The following TENM1 variants were observed in gnomAD, a reference collection of about 807,000 sequenced individuals.
The protein encoded by TENM1 is teneurin-1.
TENM1 carries 35 observed loss-of-function variants against 174.8 expected under a neutral mutation model. The observed-to-expected ratio is 0.20, with a 90% CI of 0.15 to 0.27. The LOEUF is 0.27. Among genes scored for constraint, TENM1 ranks in the 10% least tolerant of loss-of-function variants. TENM1 has a pLI of 1.00. For missense variants in TENM1, 1,633 were observed against 2,130.1 expected (o/e 0.77, Z 4.59); for synonymous variants, 781 against 798.7 (o/e 0.98, Z 0.37).
At chrX:124,571,956 G>T (rs779398265) in intron 11 of TENM1, among the ~76,000 whole-genome samples, 1 of 105,322 alleles carries the variant, frequency 9.5e-6, no homozygotes, top group African/African-American at 3.7e-5. Context: ...AGGAGAAAAT[G>T]ATTTTTTTTT....
chrX:124,820,713 T>A (rs1346312803), intron 3 of TENM1, among the ~76,000 whole-genome samples: 1 of 112,270 alleles, frequency 8.9e-6, no homozygotes, highest in East Asian at 2.8e-4. Context: ...ATAATCCACT[T>A]AATTGAACTC....
chrX:125,193,355 T>C, the TENM1 span, among the ~76,000 whole-genome samples: 1 of 112,315 alleles, frequency 8.9e-6, no homozygotes. Context: ...CTTTGTTGAA[T>C]CCATGTGAAT....
At chrX:124,514,341 A>G (rs937086717) in intron 18 of TENM1, among the ~76,000 whole-genome samples, 1 of 111,091 alleles carries the variant, frequency 9.0e-6, no homozygotes. Flanking sequence ...TCGAAACCCA[A>G]CTGGGGTCTA....
intron 4 of TENM1, among the ~76,000 whole-genome samples, chrX:124,730,705 T>C (rs2053546174): frequency 8.9e-6 from 1 of 112,223 alleles, no homozygotes. Context: ...CCCAAATTTT[T>C]GTGTTAATGA....
At chrX:124,465,369 C>A (rs1448001545) in intron 22 of TENM1, among the ~76,000 whole-genome samples, 1 of 111,392 alleles carries the variant, frequency 9.0e-6, no homozygotes, top group East Asian at 2.8e-4. Flanking sequence ...CCCCCTCGGC[C>A]TCTCTAATAG....
intron 3 of TENM1, among the ~76,000 whole-genome samples, chrX:124,880,567 A>T (rs750367857): frequency 8.9e-6 from 1 of 112,109 alleles, no homozygotes; most frequent in Non-Finnish European, 1.9e-5. Flanking sequence ...TATGATAAAC[A>T]GGAGTGGTGA....
chrX:124,827,509 T>A (rs1325722982), intron 3 of TENM1, among the ~76,000 whole-genome samples: 1 of 111,954 alleles, frequency 8.9e-6, no homozygotes, highest in Non-Finnish European at 1.9e-5. Flanking sequence ...TGCCTTTATT[T>A]TGCAGTGAAG....
chrX:124,631,153 G>A (rs757512038), intron 11 of TENM1, among the ~76,000 whole-genome samples: 7 of 111,690 alleles, frequency 6.3e-5, no homozygotes, highest in Admixed American at 9.6e-5. Context: ...GACTTCATAT[G>A]CTGTATTTAT....
At chrX:125,084,253 A>G in the TENM1 span, among the ~76,000 whole-genome samples, 9 of 110,245 alleles carry the variant, frequency 8.2e-5, no homozygotes, top group Admixed American at 6.8e-4. Flanking sequence ...CCATCCATCC[A>G]TCCATTCAAA....
chrX:124,729,493 T>C (rs928992838), intron 4 of TENM1, among the ~76,000 whole-genome samples: 1 of 112,284 alleles, frequency 8.9e-6, no homozygotes, highest in African/African-American at 3.2e-5. Context: ...TTGGAGTACA[T>C]ATGCTTGCAC....
chrX:124,908,474 C>T (rs1481755675), intron 1 of TENM1, among the ~76,000 whole-genome samples: 1 of 111,110 alleles, frequency 9.0e-6, no homozygotes, highest in East Asian at 2.8e-4. Context: ...TTTCCAGCCT[C>T]ATCCATGTCC....
chrX:124,569,372 A>G (rs2049008546), intron 11 of TENM1, among the ~76,000 whole-genome samples: 1 of 112,302 alleles, frequency 8.9e-6, no homozygotes, highest in South Asian at 3.7e-4. Context: ...CAGAAAGAAT[A>G]TGAAATATTT....
At chrX:124,640,447 C>A (rs766997940) in intron 11 of TENM1, among the ~76,000 whole-genome samples, 2 of 111,925 alleles carry the variant, frequency 1.8e-5, no homozygotes, top group Non-Finnish European at 3.8e-5. Flanking sequence ...CTGCTTACCA[C>A]GTCATTTTAC....
chrX:124,740,895 A>T (rs1248378766), intron 3 of TENM1, among the ~76,000 whole-genome samples: 1 of 111,731 alleles, frequency 9.0e-6, no homozygotes, highest in East Asian at 2.8e-4. Flanking sequence ...TGTATCTGGC[A>T]ACCATACACT....
intron 3 of TENM1, among the ~76,000 whole-genome samples, chrX:124,809,878 G>A (rs184841509): frequency 3.1e-4 from 31 of 99,641 alleles, no homozygotes; most frequent in African/African-American, 1.2e-3. Flanking sequence ...GAGAGAGAGA[G>A]AAGCAGGAAG....
the TENM1 span, among the ~76,000 whole-genome samples, chrX:125,081,260 T>C: frequency 9.0e-6 from 1 of 111,430 alleles, no homozygotes; most frequent in South Asian, 3.7e-4. Flanking sequence ...ATTTGCTAGA[T>C]TGTCGTATTT....
chrX:124,383,162 G>T (rs1471839564), intron 30 of TENM1, among the ~76,000 whole-genome samples: 2 of 109,707 alleles, frequency 1.8e-5, no homozygotes, highest in Admixed American at 2.0e-4. Context: ...GGCCAGGCTG[G>T]TCTCAAACTC....
At chrX:125,107,494 A>G in the TENM1 span, among the ~76,000 whole-genome samples, 8 of 111,712 alleles carry the variant, frequency 7.2e-5, no homozygotes, top group African/African-American at 2.3e-4. Context: ...AAACAGCCCA[A>G]CCTCTGAGTG....
At chrX:124,614,452 C>T (rs1286935013) in intron 11 of TENM1, among the ~76,000 whole-genome samples, 4 of 112,088 alleles carry the variant, frequency 3.6e-5, no homozygotes, top group Non-Finnish European at 7.5e-5. Flanking sequence ...CTTCTATTCT[C>T]CTATTTCTGG....
Sources: gnomAD v4.1 joint callset for allele counts (sites outside exome capture counted in the v4.1 genomes callset) on GRCh38, gnomAD v4.1.1 for gene constraint, MANE v1.5 for transcripts, NCBI Gene and HGNC (gene_info 2026-07-23, HGNC 2026-07-21) for gene names.